B3GALT5: variants seen among roughly 807,000 people sequenced by gnomAD.
The protein encoded by B3GALT5 is UDP-Gal:betaGlcNAc beta 1,3-galactosyltransferase, polypeptide 5.
For missense variants in B3GALT5, 328 were observed against 396.6 expected, an observed-to-expected ratio of 0.83 and a Z score of 1.47; for synonymous variants, 156 against 158.6, an observed-to-expected ratio of 0.98 and a Z score of 0.12.
intron 1 of B3GALT5, among the ~76,000 whole-genome samples, chr21:39,615,395 G>T (rs1255246781): frequency 6.6e-6 from 1 of 152,190 alleles, no homozygotes; most frequent in African/African-American, 2.4e-5. Flanking sequence ...ACCAGAATTA[G>T]GAGCTCTGAG....
chr21:39,661,177 G>A lies in B3GALT5; in HGVS notation c.618G>A (p.Pro206=), dbSNP rs146107292. ...SKWFVSKSEY[P]WDRYPPFCSG... ...GGTTTGTCAGTAAATCTGAATATCCGTGGGACAGGTACCCACCATTCTGCT... is the reference window on the plus strand; with the variant it reads ...GGTTTGTCAGTAAATCTGAATATCCATGGGACAGGTACCCACCATTCTGCT... Residue 206 remains proline, a synonymous_variant, in exon 4 of 4, where the codon CCG becomes CCA. Transcript: ENST00000684187. This position sits in a 1 kb window ranked among gnomAD's most constrained non-coding sequence, Gnocchi z 4.7. The A allele has an allele frequency of 3.9e-4, 622 of 1,614,082 alleles. 3 individuals are homozygous for A. In the African/African-American group the frequency reaches 6.7e-3, roughly 17 times the overall value.
rs2079551425 is a variant in B3GALT5, at chr21:39,663,717, GCCT to G, written c.*2230_*2232del. On this transcript the variant is annotated 3_prime_UTR_variant, in exon 4 of 4. Coordinates refer to ENST00000684187, the MANE Select transcript of B3GALT5 (RefSeq NM_001356336.2). Reference sequence around the variant, plus strand: ...GGAACCTTAGAGCTCATTCAATCCTGCCTCCTCTTTTATGTGGGATGCAAACGA... The same window carrying G: ...GGAACCTTAGAGCTCATTCAATCCTGCCTCTTTTATGTGGGATGCAAACGA... The G allele has an allele frequency of 6.6e-6, 1 of 152,192 alleles. No homozygotes were observed. Among genetic ancestry groups the G allele is most frequent in the South Asian group, 2.1e-4 (1 of 4,826 alleles). 9.4% of individuals were successfully genotyped at this position (152,192 alleles called of 1,614,324 possible).
At chr21:39,642,838 A>ACAG (rs1230288212) in intron 1 of B3GALT5, among the ~76,000 whole-genome samples, 1 of 149,624 alleles carries the variant, frequency 6.7e-6, no homozygotes. Context: ...GAGTTAGAGA[A>ACAG]CAGACTGGGC....
At chr21:39,633,496 A>G (rs1227102628) in intron 1 of B3GALT5, among the ~76,000 whole-genome samples, 3 of 152,230 alleles carry the variant, frequency 2.0e-5, no homozygotes, top group Non-Finnish European at 4.4e-5. Flanking sequence ...ATGAATGGCC[A>G]CTGTGAAATG....
chr21:39,647,560 G>T (rs1477017160), intron 2 of B3GALT5, among the ~76,000 whole-genome samples: 2 of 130,332 alleles, frequency 1.5e-5, no homozygotes, highest in Admixed American at 7.7e-5. Context: ...GCTGGTCCAC[G>T]CTGGTCTTTA....
At chr21:39,618,062 G>C (rs964593643) in intron 1 of B3GALT5, among the ~76,000 whole-genome samples, 1 of 152,138 alleles carries the variant, frequency 6.6e-6, no homozygotes, top group Non-Finnish European at 1.5e-5. Flanking sequence ...GGCTGAGATG[G>C]GAGGATTGCT....
Position 39,668,927 on chromosome 21 carries a change from A to G in B3GALT5, c.*7435A>G, listed in dbSNP as rs972161689. 2.6e-5 allele frequency: 4 copies of G among 152,286 alleles called. No homozygotes were observed. Among genetic ancestry groups the G allele is most frequent in the African/African-American group, 9.6e-5 (4 of 41,462 alleles). The allele number at this position is 152,286 out of a possible 1,614,324, so 9.4% of individuals were successfully genotyped here. On this transcript the variant is annotated 3_prime_UTR_variant, in exon 4 of 4. Transcript: ENST00000684187. ...GCTCAACATCCCATGGTAGGTGCTC[A>G]GTAAATGCAGGTGCTTATGATTATA...
intron 1 of B3GALT5, among the ~76,000 whole-genome samples, chr21:39,632,421 C>T (rs926138438): frequency 1.2e-4 from 18 of 151,898 alleles, no homozygotes; most frequent in Non-Finnish European, 1.2e-4. Flanking sequence ...TGAAGTGGTG[C>T]GAGTGGTGAG....
At chr21:39,615,039 G>A (rs1415862230) in intron 1 of B3GALT5, among the ~76,000 whole-genome samples, 4 of 150,012 alleles carry the variant, frequency 2.7e-5, no homozygotes, top group Admixed American at 1.3e-4. Context: ...CCCAAGCTTC[G>A]TGGCCCTGCA....
At chr21:39,655,621 A>G (rs965772951) in intron 2 of B3GALT5, among the ~76,000 whole-genome samples, 6 of 152,040 alleles carry the variant, frequency 3.9e-5, no homozygotes, top group Admixed American at 6.5e-5. Flanking sequence ...AGCTTATACA[A>G]TTGGGGTGGG....
chr21:39,636,890 C>T (rs1389477938), intron 1 of B3GALT5, among the ~76,000 whole-genome samples: 3 of 152,120 alleles, frequency 2.0e-5, no homozygotes, highest in South Asian at 2.1e-4. Flanking sequence ...GGAAGGGATC[C>T]GCTGTTTCTC....
intron 1 of B3GALT5, among the ~76,000 whole-genome samples, chr21:39,634,981 A>C (rs2079216645): frequency 6.6e-6 from 1 of 152,156 alleles, no homozygotes. Context: ...CAAGGCAGAA[A>C]TCACCCACTT....
At chr21:39,649,452 T>C (rs1490921455) in intron 2 of B3GALT5, among the ~76,000 whole-genome samples, 1 of 152,138 alleles carries the variant, frequency 6.6e-6, no homozygotes, top group Non-Finnish European at 1.5e-5. Flanking sequence ...GGACCTCTGT[T>C]CTCTCCCCTG....
chr21:39,659,207 C>T (rs2079483615), intron 2 of B3GALT5, among the ~76,000 whole-genome samples: 1 of 152,208 alleles, frequency 6.6e-6, no homozygotes, highest in African/African-American at 2.4e-5. Context: ...TATGATTGTG[C>T]TACTGTGCTC....
At chr21:39,639,400 T>TTCTTTTTCTTTCTTTC (rs1339331444) in intron 1 of B3GALT5, among the ~76,000 whole-genome samples, 3 of 57,156 alleles carry the variant, frequency 5.2e-5, no homozygotes, top group African/African-American at 1.5e-4. Flanking sequence ...CCTTCTTTCT[T>TTCTTTTTCTTTCTTTC]TTTCTTTCTT....
intron 1 of B3GALT5, among the ~76,000 whole-genome samples, chr21:39,619,867 G>A (rs1389680238): frequency 6.6e-6 from 1 of 152,086 alleles, no homozygotes. Flanking sequence ...GAGTGCAGTG[G>A]TGTGATTTCG....
At chr21:39,625,547 A>C (rs1401380072) in intron 1 of B3GALT5, among the ~76,000 whole-genome samples, 1 of 152,244 alleles carries the variant, frequency 6.6e-6, no homozygotes, top group African/African-American at 2.4e-5. Flanking sequence ...GTTTCAAATA[A>C]ATTTGGGTAA....
intron 2 of B3GALT5, among the ~76,000 whole-genome samples, chr21:39,655,869 AC>A (rs1396931984): frequency 2.0e-5 from 3 of 151,528 alleles, no homozygotes; most frequent in Non-Finnish European, 4.4e-5. Flanking sequence ...GTTCTCGTCC[AC>A]CCCCGTCATG....
At chr21:39,625,312 G>A (rs964716540) in intron 1 of B3GALT5, among the ~76,000 whole-genome samples, 4 of 152,176 alleles carry the variant, frequency 2.6e-5, no homozygotes, top group South Asian at 2.1e-4. Context: ...GTGATCAGTC[G>A]TTCTGAGCCT....
Sources: allele counts gnomAD v4.1 joint callset (sites outside exome capture counted in the v4.1 genomes callset), GRCh38; gene constraint gnomAD v4.1.1; non-coding constraint Gnocchi (gnomAD v3.1); transcripts MANE v1.5; gene names NCBI Gene and HGNC (gene_info 2026-07-23, HGNC 2026-07-21).